The following GNB4 variants were observed in gnomAD, a reference collection of about 807,000 sequenced individuals.
GNB4 encodes guanine nucleotide-binding protein subunit beta-4.
A neutral mutation model predicts 45.2 loss-of-function variants in GNB4; 28 were observed. The ratio of observed to expected loss-of-function variants is 0.62; its 90% CI spans 0.46 to 0.85. The LOEUF is 0.85. Ranked by LOEUF, GNB4 falls within the 40% of genes least tolerant of loss-of-function variation. GNB4 has a pLI of 0.00. For missense variants in GNB4, 321 were observed against 425.4 expected (o/e 0.75, Z 2.16); for synonymous variants, 132 against 143.7 (o/e 0.92, Z 0.58).
intron 1 of GNB4, among the ~76,000 whole-genome samples, chr3:179,443,890 C>G (rs1318670704): frequency 5.9e-5 from 9 of 152,206 alleles, no homozygotes; most frequent in African/African-American, 1.9e-4. Context: ...TTCAAAGGGT[C>G]TTATCTCTAC....
chr3:179,524,097 T>A, the GNB4 span, among the ~76,000 whole-genome samples: 2 of 152,206 alleles, frequency 1.3e-5, no homozygotes, highest in African/African-American at 4.8e-5. Flanking sequence ...CATATTTTAA[T>A]TAAGAAGGGG....
chr3:179,455,313 C>T (rs1715961719), upstream of GNB4, among the ~76,000 whole-genome samples: 1 of 152,156 alleles, frequency 6.6e-6, no homozygotes, highest in Admixed American at 6.5e-5. Flanking sequence ...TCAGGGAATT[C>T]AGGTCCCCGG....
At chr3:179,464,781 A>G in the GNB4 span, 1 of 1,314,064 alleles carries the variant, frequency 7.6e-7, no homozygotes, top group South Asian at 1.2e-5. Flanking sequence ...AGGATCTGCA[A>G]TGCTGTTTCT....
rs374391337 is a variant in GNB4 at position 179,427,973 on chromosome 3, C to T, written c.-42-1731G>A. Reference sequence around the variant, plus strand: ...AACTTTTTAGGTCAAGATTGTAGCCCGAAATGACTGTCCTAAGTCCAAATT... The same window carrying T: ...AACTTTTTAGGTCAAGATTGTAGCCTGAAATGACTGTCCTAAGTCCAAATT... On this transcript the variant is annotated intron_variant, in intron 1 of 9. Coordinates refer to ENST00000232564, the MANE Select transcript of GNB4 (RefSeq NM_021629.4). Among the ~76,000 whole-genome samples, 20 of 152,190 alleles carry T rather than the reference C, an allele frequency of 1.3e-4. 2 individuals are homozygous for T. Among genetic ancestry groups the T allele is most frequent in the Non-Finnish European group, 1.6e-4 (11 of 68,018 alleles).
At chr3:179,464,968 CATTGCAATGTT>C in the GNB4 span, 36 of 1,546,232 alleles carry the variant, frequency 2.3e-5, no homozygotes, top group East Asian at 8.1e-4. Flanking sequence ...TTGAAATGCC[CATTGCAATGTT>C]ACTGCACACA....
chr3:179,432,483 T>C lies in GNB4; in HGVS notation c.-42-6241A>G, dbSNP rs566183650. ...AAAGCATGAATCTAGCACAGACCAA[T>C]AGATTATAAACTACTCTAAGACAAA... On this transcript the variant is annotated intron_variant, in intron 1 of 9. Coordinates refer to ENST00000232564, the MANE Select transcript of GNB4 (RefSeq NM_021629.4). Among the ~76,000 whole-genome samples the C allele has an allele frequency of 1.4e-3, 215 of 152,044 alleles. 1 individual carries two copies. The highest frequency in any genetic ancestry group is 2.7e-3 in the Non-Finnish European group (185 of 68,016).
chr3:179,434,786 C>T (rs185394056), intron 1 of GNB4, among the ~76,000 whole-genome samples: 58 of 150,910 alleles, frequency 3.8e-4, no homozygotes, highest in East Asian at 1.6e-3. Flanking sequence ...GAGTGGTGGA[C>T]GCCTATAGTT....
At chr3:179,411,741 A>T (rs1404238108) in intron 8 of GNB4, among the ~76,000 whole-genome samples, 3 of 152,214 alleles carry the variant, frequency 2.0e-5, no homozygotes, top group African/African-American at 7.2e-5. Context: ...TTAGCACAGC[A>T]TTTACTTTCT....
chr3:179,501,053 G>A, the GNB4 span, among the ~76,000 whole-genome samples: 1 of 152,168 alleles, frequency 6.6e-6, no homozygotes, highest in African/African-American at 2.4e-5. Flanking sequence ...GACTCTCTCA[G>A]TTGAGTAAGC....
intron 2 of GNB4, 104 bp from the exon 3 acceptor site, chr3:179,421,031 C>A (rs2108597524): frequency 1.5e-6 from 1 of 683,768 alleles, no homozygotes; most frequent in South Asian, 1.8e-5. Flanking sequence ...TCTCACTGTA[C>A]CACATCTTTA....
the GNB4 span, among the ~76,000 whole-genome samples, chr3:179,519,324 C>A: frequency 1.3e-5 from 2 of 152,190 alleles, no homozygotes; most frequent in African/African-American, 4.8e-5. Context: ...CTTGGTTTAG[C>A]GGCTGAAGAC....
intron 2 of GNB4, among the ~76,000 whole-genome samples, chr3:179,421,432 C>G (rs934685580): frequency 2.6e-5 from 4 of 152,080 alleles, no homozygotes; most frequent in African/African-American, 7.2e-5. Context: ...CACCAAACAT[C>G]AGTTTTTTTC....
At chr3:179,454,072 A>G (rs1429437207), upstream of GNB4, among the ~76,000 whole-genome samples, 2 of 152,226 alleles carry the variant, frequency 1.3e-5, no homozygotes, top group African/African-American at 4.8e-5. Context: ...GGGGTATGCT[A>G]TTAACATTTC....
chr3:179,500,205 T>C, the GNB4 span, among the ~76,000 whole-genome samples: 1 of 152,252 alleles, frequency 6.6e-6, no homozygotes, highest in Non-Finnish European at 1.5e-5. Context: ...CTAGGGTTTT[T>C]ATGTTTTTAG....
the GNB4 span, among the ~76,000 whole-genome samples, chr3:179,516,028 TA>T: frequency 6.6e-6 from 1 of 152,312 alleles, no homozygotes; most frequent in South Asian, 2.1e-4. Flanking sequence ...ATTAAAGGAC[TA>T]AAAATTGGGA....
chr3:179,427,031 AGTT>A (rs1251749010), intron 1 of GNB4, among the ~76,000 whole-genome samples: 1 of 151,944 alleles, frequency 6.6e-6, no homozygotes, highest in Admixed American at 6.6e-5. Flanking sequence ...ACTCTGTTCC[AGTT>A]GTTCAAAGAC....
chr3:179,520,284 A>G, the GNB4 span, among the ~76,000 whole-genome samples: 351 of 151,842 alleles, frequency 2.3e-3, 2 homozygotes, highest in African/African-American at 8.1e-3. Context: ...GCTGTTACCT[A>G]TCTCGGCATA....
chr3:179,496,542 A>G, the GNB4 span, among the ~76,000 whole-genome samples: 37 of 152,314 alleles, frequency 2.4e-4, no homozygotes, highest in Non-Finnish European at 4.9e-4. Context: ...ATCAGAAGAC[A>G]TAAAGTGGCC....
At chr3:179,506,089 T>A in the GNB4 span, among the ~76,000 whole-genome samples, 4 of 152,230 alleles carry the variant, frequency 2.6e-5, no homozygotes, top group African/African-American at 4.8e-5. Context: ...ACGCCTTTAA[T>A]CTCAGCACTT....
Sources: allele counts gnomAD v4.1 joint callset (sites outside exome capture counted in the v4.1 genomes callset), GRCh38; gene constraint gnomAD v4.1.1; transcripts MANE v1.5; gene names NCBI Gene and HGNC (gene_info 2026-07-23, HGNC 2026-07-21).